The following IFT43 variants were observed in gnomAD, a reference collection of about 807,000 sequenced individuals.
The protein encoded by IFT43 is intraflagellar transport protein 43 homolog.
IFT43 carries 33 observed loss-of-function variants against 32.3 expected under a neutral mutation model. That is an observed-to-expected ratio of 1.02 (90% CI 0.77 to 1.37). The LOEUF (loss-of-function observed/expected upper bound fraction) is 1.37, where lower values mean the gene tolerates loss of function less well. IFT43 is among the 40% of genes most tolerant of loss of function. The probability of loss-of-function intolerance (pLI) is 0.00; values close to 1 mark genes in which losing one functional copy is unlikely to be tolerated. For missense variants in IFT43, 274 were observed against 265.9 expected (o/e 1.03, Z -0.21); for synonymous variants, 93 against 98.2 (o/e 0.95, Z 0.31).
At chr14:76,083,848 G>A (rs2037561445), downstream of IFT43, 1 of 591,634 alleles carries the variant, frequency 1.7e-6, no homozygotes, top group South Asian at 1.5e-5. Context: ...CCTTGTTGCG[G>A]AGCATGTGGG....
intron 2 of IFT43, among the ~76,000 whole-genome samples, chr14:75,991,048 A>C (rs775187565): frequency 1.3e-5 from 2 of 152,208 alleles, no homozygotes; most frequent in African/African-American, 2.4e-5. Flanking sequence ...AGTCTACTTA[A>C]GGCTAGGCAC....
intron 2 of IFT43, among the ~76,000 whole-genome samples, chr14:76,008,907 C>A (rs901154644): frequency 6.6e-6 from 1 of 152,182 alleles, no homozygotes; most frequent in Non-Finnish European, 1.5e-5. Context: ...CCTTGACTTG[C>A]CTCATTAAAG....
At chr14:76,032,879 G>T (rs1289287501) in intron 3 of IFT43, among the ~76,000 whole-genome samples, 1 of 152,204 alleles carries the variant, frequency 6.6e-6, no homozygotes, top group Non-Finnish European at 1.5e-5. Context: ...GTGCGGCAGA[G>T]GGAGGAGTTG....
At chr14:76,040,465 A>G (rs1354838173) in intron 3 of IFT43, among the ~76,000 whole-genome samples, 1 of 152,232 alleles carries the variant, frequency 6.6e-6, no homozygotes, top group Non-Finnish European at 1.5e-5. Context: ...AGAGGTATGA[A>G]GGTGCATCAG....
At chr14:75,986,670 A>G (rs1299276210) in intron 1 of IFT43, among the ~76,000 whole-genome samples, 1 of 152,176 alleles carries the variant, frequency 6.6e-6, no homozygotes, top group African/African-American at 2.4e-5. Flanking sequence ...TAATGGAGCT[A>G]GATTCAAGAC....
intron 2 of IFT43, chr14:76,014,025 C>A: frequency 4.2e-6 from 1 of 239,256 alleles, no homozygotes; most frequent in East Asian, 9.8e-5. Context: ...TGAACAACCC[C>A]CAGCCCGAGC....
intron 5 of IFT43, among the ~76,000 whole-genome samples, chr14:76,079,385 A>T (rs1037247270): frequency 3.3e-5 from 5 of 152,252 alleles, no homozygotes. Flanking sequence ...TCACAGTGCT[A>T]GTATTTCATA....
intron 2 of IFT43, among the ~76,000 whole-genome samples, chr14:75,995,081 A>C (rs1594802194): frequency 6.6e-6 from 1 of 152,232 alleles, no homozygotes; most frequent in African/African-American, 2.4e-5. Context: ...TCTGTTCATT[A>C]CATGCAGTGT....
chr14:76,069,169 C>T (rs565454462), intron 5 of IFT43, among the ~76,000 whole-genome samples: 182 of 152,196 alleles, frequency 1.2e-3, no homozygotes, highest in Non-Finnish European at 2.0e-3. Flanking sequence ...AAAGGGGGAG[C>T]AGGCACGTCA....
chr14:76,028,242 G>A (rs1027949229), intron 3 of IFT43, among the ~76,000 whole-genome samples: 42 of 152,016 alleles, frequency 2.8e-4, no homozygotes, highest in African/African-American at 8.0e-4. Flanking sequence ...TTGGGGTACC[G>A]CTTTGAATCC....
intron 5 of IFT43, among the ~76,000 whole-genome samples, chr14:76,071,584 A>G (rs2037321495): frequency 6.6e-6 from 1 of 152,220 alleles, no homozygotes; most frequent in Non-Finnish European, 1.5e-5. Context: ...AGAGGTGGGA[A>G]GAGATGGGCA....
At chr14:76,027,568 G>T (rs1012498340) in intron 3 of IFT43, among the ~76,000 whole-genome samples, 1 of 152,040 alleles carries the variant, frequency 6.6e-6, no homozygotes. Flanking sequence ...AATTAGCTAG[G>T]TGTGGTGGCG....
chr14:76,082,608 T>C lies in IFT43; in HGVS notation c.369-9T>C, dbSNP rs774571610. The C allele has an allele frequency of 6.2e-7, 1 of 1,614,032 alleles. No individual in the cohort carries two copies. Among genetic ancestry groups the C allele is most frequent in the South Asian group, 1.1e-5 (1 of 91,014 alleles). On this transcript the variant is annotated splice_polypyrimidine_tract_variant and intron_variant, in intron 6 of 8. Coordinates refer to ENST00000314067, the MANE Select transcript of IFT43 (RefSeq NM_001102564.3). ...GGGGTTCCCGCCTCTCGCTCTCTCT[T>C]TCCTTCAGCATCCAGATAAAGCGGG...
At chr14:76,081,338 G>A (rs151181341) in intron 5 of IFT43, among the ~76,000 whole-genome samples, 1 of 152,198 alleles carries the variant, frequency 6.6e-6, no homozygotes, top group Non-Finnish European at 1.5e-5. Flanking sequence ...GTTTACAGTT[G>A]CTTTGGGAAT....
intron 2 of IFT43, among the ~76,000 whole-genome samples, chr14:75,990,061 C>T (rs918163696): frequency 3.3e-5 from 5 of 152,188 alleles, no homozygotes; most frequent in African/African-American, 1.2e-4. Flanking sequence ...GAAAAACTAG[C>T]AGCTGACCCC....
chr14:76,044,042 T>C (rs1458829865), intron 3 of IFT43, among the ~76,000 whole-genome samples: 2 of 151,396 alleles, frequency 1.3e-5, no homozygotes, highest in Admixed American at 6.6e-5. Context: ...ATGTTATTTC[T>C]CTTTTTTTTT....
chr14:76,080,850 T>A (rs942105859), intron 5 of IFT43, among the ~76,000 whole-genome samples: 1 of 152,222 alleles, frequency 6.6e-6, no homozygotes, highest in Non-Finnish European at 1.5e-5. Context: ...TAGAGAGATA[T>A]AATCTAAGCT....
chr14:76,045,334 T>G (rs2036786704), intron 3 of IFT43, among the ~76,000 whole-genome samples: 1 of 152,244 alleles, frequency 6.6e-6, no homozygotes. Context: ...CCATTTCAAA[T>G]CATTGCTTTC....
At chr14:75,999,264 T>TTC (rs2035827660) in intron 2 of IFT43, among the ~76,000 whole-genome samples, 11 of 26,106 alleles carry the variant, frequency 4.2e-4, no homozygotes, top group East Asian at 2.8e-3. Context: ...TATATATATA[T>TTC]ATATATATGT....
Sources: allele counts gnomAD v4.1 joint callset (sites outside exome capture counted in the v4.1 genomes callset), GRCh38; gene constraint gnomAD v4.1.1; transcripts MANE v1.5; gene names NCBI Gene and HGNC (gene_info 2026-07-23, HGNC 2026-07-21).